Variants in GRXCR1 observed in about 807,000 individuals in gnomAD.
GRXCR1 encodes the protein glutaredoxin and cysteine rich domain containing 1.
GRXCR1 carries 27 observed loss-of-function variants against 27.3 expected under a neutral mutation model. That is an observed-to-expected ratio of 0.99 (90% CI 0.73 to 1.37). The LOEUF (loss-of-function observed/expected upper bound fraction) is 1.37, where lower values mean the gene tolerates loss of function less well. Among genes scored for constraint, GRXCR1 ranks in the 40% most tolerant of loss-of-function variants. The pLI, the probability that GRXCR1 is intolerant of heterozygous loss-of-function variation, is 0.00. For missense variants in GRXCR1, 379 were observed against 354.4 expected (o/e 1.07, Z -0.56); for synonymous variants, 122 against 131.1 (o/e 0.93, Z 0.47).
chr4:42,893,438 T>A lies in GRXCR1; in HGVS notation c.172T>A (p.Ser58Thr). Reference protein sequence around the residue: ...SICGIDGLGDSDGQQNGHIES... With the variant: ...SICGIDGLGDTDGQQNGHIES... ...CTGTGGGATAGATGGACTAGGTGATTCCGATGGACAGCAGAATGGCCACAT... is the reference window on the plus strand; with the variant it reads ...CTGTGGGATAGATGGACTAGGTGATACCGATGGACAGCAGAATGGCCACAT... Residue 58 changes from serine (S) to threonine (T), a missense_variant, in exon 1 of 4, where the codon TCC becomes ACC. Physicochemically the swap from Ser to Thr is moderately conservative, Grantham distance 58. Coordinates refer to ENST00000399770, the MANE Select transcript of GRXCR1 (RefSeq NM_001080476.3). 1 of 1,613,864 alleles carries A rather than the reference T, an allele frequency of 6.2e-7. No individual in the cohort carries two copies. Among genetic ancestry groups the A allele is most frequent in the South Asian group, 1.1e-5 (1 of 91,074 alleles).
chr4:42,972,287 C>T (rs1293946411), intron 2 of GRXCR1, among the ~76,000 whole-genome samples: 3 of 152,066 alleles, frequency 2.0e-5, no homozygotes, highest in Admixed American at 1.3e-4. Context: ...ATTAGAAATT[C>T]CATCAGAGAT....
At chr4:42,951,278 C>T (rs79246085) in intron 1 of GRXCR1, among the ~76,000 whole-genome samples, 4,644 of 152,252 alleles carry the variant, frequency 0.031, 82 homozygotes, top group South Asian at 0.058. Context: ...AGGCTATCTG[C>T]TTCTAAATGC....
In GRXCR1 at chr4:42,976,039, T is replaced by G. The variant is rs865934203; in HGVS notation, c.627+12905T>G. On this transcript the variant is annotated intron_variant, in intron 2 of 3. Transcript: ENST00000399770. Reference sequence around the variant, plus strand: ...TATCATTTCACAGATTTAAATTGATTGTCACATTTACCCATGACTTTGCCT... The same window carrying G: ...TATCATTTCACAGATTTAAATTGATGGTCACATTTACCCATGACTTTGCCT... Among the ~76,000 whole-genome samples the G allele has an allele frequency of 3.4e-4, 52 of 152,312 alleles. No individual in the cohort carries two copies. In the Middle Eastern group the frequency reaches 0.014, roughly 40 times the overall value.
At chr4:43,014,632 A>G (rs1172210966) in intron 2 of GRXCR1, among the ~76,000 whole-genome samples, 1 of 152,104 alleles carries the variant, frequency 6.6e-6, no homozygotes, top group African/African-American at 2.4e-5. Flanking sequence ...TTTATATAGT[A>G]TTCATCCTTC....
chr4:42,925,602 T>C (rs1387368380), intron 1 of GRXCR1, among the ~76,000 whole-genome samples: 1 of 152,044 alleles, frequency 6.6e-6, no homozygotes, highest in African/African-American at 2.4e-5. Flanking sequence ...CAGATATAAC[T>C]GTCTTCAAAA....
chr4:42,893,435 G>A lies in GRXCR1; in HGVS notation c.169G>A (p.Asp57Asn). 6.2e-7 allele frequency: 1 copy of A among 1,613,866 alleles called. No homozygotes were observed. The highest frequency in any genetic ancestry group is 8.5e-7 in the Non-Finnish European group (1 of 1,179,830). ...ASICGIDGLG[D>N]SDGQQNGHIE... is the part of the protein sequence containing the mutation. Reference sequence around the variant, plus strand: ...TATCTGTGGGATAGATGGACTAGGTGATTCCGATGGACAGCAGAATGGCCA... The same window carrying A: ...TATCTGTGGGATAGATGGACTAGGTAATTCCGATGGACAGCAGAATGGCCA... The change falls in exon 1 of 4, where the codon GAT becomes AAT. Residue 57 changes from aspartate to asparagine, a missense_variant. Asp to Asn is a conservative substitution (Grantham distance 23). Transcript: ENST00000399770.
intron 1 of GRXCR1, among the ~76,000 whole-genome samples, chr4:42,954,673 G>A (rs574729232): frequency 1.3e-5 from 2 of 152,040 alleles, no homozygotes; most frequent in Admixed American, 6.6e-5. Flanking sequence ...TTTATAATTT[G>A]TGTCTTATAG....
rs116234049 is a variant in GRXCR1, at chr4:43,013,169, G to A, written c.628-7185G>A. On this transcript the variant is annotated intron_variant, in intron 2 of 3. Transcript: ENST00000399770. ...CAGTATTCCTATTATTGGGTATGTA[G>A]CAAAATAAAAACAAATCATTCTACC... 5.1e-3 allele frequency among the ~76,000 whole-genome samples: 782 copies of A among 152,200 alleles called. 9 individuals are homozygous for A. Among genetic ancestry groups the A allele is most frequent in the African/African-American group, 0.018 (740 of 41,514 alleles).
intron 1 of GRXCR1, among the ~76,000 whole-genome samples, chr4:42,949,634 A>G (rs1037891519): frequency 2.0e-5 from 3 of 152,164 alleles, no homozygotes; most frequent in African/African-American, 7.2e-5. Flanking sequence ...TTATAGAGTT[A>G]AAGGACTCGC....
chr4:42,893,520 G>A lies in GRXCR1; in HGVS notation c.254G>A (p.Arg85Lys). The change falls in exon 1 of 4, where the codon AGG (arginine) becomes AAG (lysine). Residue 85 changes from arginine to lysine, a missense_variant. By Grantham distance (26) the Arg-to-Lys change is conservative (BLOSUM62 2). Coordinates refer to ENST00000399770, the MANE Select transcript of GRXCR1 (RefSeq NM_001080476.3). Reference sequence around the variant, plus strand: ...CAGGATAGCTTGCTGGTGTTAGCAAGGGCTGCCAGTGAGAAGGGTTTTGGT... The same window carrying A: ...CAGGATAGCTTGCTGGTGTTAGCAAAGGCTGCCAGTGAGAAGGGTTTTGGT... ...NDQDSLLVLARAASEKGFGTR... is the reference protein window; with the variant it reads ...NDQDSLLVLAKAASEKGFGTR... 2.5e-6 allele frequency: 4 copies of A among 1,613,874 alleles called. No individual in the cohort carries two copies. The highest frequency in any genetic ancestry group is 2.5e-6 in the Non-Finnish European group (3 of 1,179,842).
intron 2 of GRXCR1, among the ~76,000 whole-genome samples, chr4:42,996,910 A>G (rs966959582): frequency 6.6e-6 from 1 of 152,052 alleles, no homozygotes; most frequent in East Asian, 1.9e-4. Flanking sequence ...ATCCTTCACA[A>G]TGGGATGGGC....
chr4:43,022,889 G>A (rs961828459), intron 3 of GRXCR1, among the ~76,000 whole-genome samples: 11 of 152,228 alleles, frequency 7.2e-5, no homozygotes, highest in Admixed American at 4.6e-4. Flanking sequence ...TTAAATCATT[G>A]AAAGCTCACA....
At chr4:43,011,191 AATTT>A (rs1424695068) in intron 2 of GRXCR1, among the ~76,000 whole-genome samples, 1 of 152,196 alleles carries the variant, frequency 6.6e-6, no homozygotes, top group Non-Finnish European at 1.5e-5. Flanking sequence ...GAAATCATTT[AATTT>A]ATTGTCGATC....
chr4:42,903,924 C>T (rs1746525893), intron 1 of GRXCR1, among the ~76,000 whole-genome samples: 1 of 152,046 alleles, frequency 6.6e-6, no homozygotes, highest in South Asian at 2.1e-4. Context: ...AGAGTCTTTG[C>T]CTCTCTCCTT....
chr4:42,896,526 T>G (rs1350121502), intron 1 of GRXCR1, among the ~76,000 whole-genome samples: 1 of 152,002 alleles, frequency 6.6e-6, no homozygotes, highest in Admixed American at 6.6e-5. Flanking sequence ...ATTATGGCGC[T>G]TCAGCTCCAG....
chr4:42,965,428 T>G (rs761172742), intron 2 of GRXCR1, among the ~76,000 whole-genome samples: 3 of 152,044 alleles, frequency 2.0e-5, no homozygotes, highest in Non-Finnish European at 4.4e-5. Context: ...CTCCTCCTAT[T>G]AAAATAGCCT....
intron 1 of GRXCR1, among the ~76,000 whole-genome samples, chr4:42,933,763 T>A (rs1013833890): frequency 2.0e-5 from 3 of 151,880 alleles, no homozygotes; most frequent in African/African-American, 4.8e-5. Flanking sequence ...TCACCAGACA[T>A]CAAATCTAGT....
At chr4:42,902,574 G>C (rs1746485527) in intron 1 of GRXCR1, among the ~76,000 whole-genome samples, 1 of 152,116 alleles carries the variant, frequency 6.6e-6, no homozygotes, top group African/African-American at 2.4e-5. Context: ...ATTGTGAATA[G>C]TGCTGCAATG....
At chr4:42,951,419 T>C (rs1033978251) in intron 1 of GRXCR1, among the ~76,000 whole-genome samples, 1 of 152,180 alleles carries the variant, frequency 6.6e-6, no homozygotes, top group Non-Finnish European at 1.5e-5. Flanking sequence ...AGCTACTAAC[T>C]GTCAAAGCAA....
Sources: gnomAD v4.1 joint callset for allele counts (sites outside exome capture counted in the v4.1 genomes callset) on GRCh38, gnomAD v4.1.1 for gene constraint, MANE v1.5 for transcripts, NCBI Gene and HGNC (gene_info 2026-07-23, HGNC 2026-07-21) for gene names.